KCTD1: variants seen among roughly 807,000 people sequenced by gnomAD.
The protein encoded by KCTD1 is potassium channel tetramerization domain containing 1, also known as BTB/POZ domain-containing protein KCTD1.
Under a neutral mutation model 66.0 loss-of-function variants are expected in KCTD1, and 24 were observed. That is an observed-to-expected ratio of 0.36 (90% CI 0.26 to 0.51). The LOEUF is 0.51. Ranked by LOEUF, KCTD1 falls within the 20% of genes least tolerant of loss-of-function variation. The probability of loss-of-function intolerance (pLI) is 0.95; values close to 1 mark genes in which losing one functional copy is unlikely to be tolerated. For synonymous variants in KCTD1, 511 were observed against 517.2 expected (o/e 0.99, Z 0.16); for missense variants, 943 against 1,205.2 (o/e 0.78, Z 3.22).
chr18:26,538,429 A>T (rs1209154275), intron 1 of KCTD1, among the ~76,000 whole-genome samples: 1 of 152,042 alleles, frequency 6.6e-6, no homozygotes, highest in Non-Finnish European at 1.5e-5. Flanking sequence ...AAGAGGGCCC[A>T]GGTAGGCCAG....
intron 3 of KCTD1, among the ~76,000 whole-genome samples, chr18:26,467,186 T>A (rs1980784390): frequency 6.6e-6 from 1 of 151,584 alleles, no homozygotes; most frequent in African/African-American, 2.4e-5. Context: ...ACAATGTACA[T>A]GTACTTCTTC....
intron 1 of KCTD1, chr18:26,575,494 G>C (rs1464940160): frequency 6.6e-6 from 1 of 152,198 alleles, no homozygotes; most frequent in Non-Finnish European, 1.5e-5. Flanking sequence ...TCTCTCCAGG[G>C]GTGGAGGGAG....
intron 1 of KCTD1, among the ~76,000 whole-genome samples, chr18:26,606,479 G>T: frequency 6.6e-6 from 1 of 152,314 alleles, no homozygotes; most frequent in African/African-American, 2.4e-5. Context: ...CTTTGAATCT[G>T]GCTGGCCTCG....
At chr18:26,630,013 G>C (rs1987583704), upstream of KCTD1, among the ~76,000 whole-genome samples, 1 of 152,178 alleles carries the variant, frequency 6.6e-6, no homozygotes, top group Non-Finnish European at 1.5e-5. Flanking sequence ...CTGAGGTATA[G>C]CCCACAGAAC....
At chr18:26,530,833 C>A (rs1264840599) in intron 1 of KCTD1, among the ~76,000 whole-genome samples, 1 of 152,142 alleles carries the variant, frequency 6.6e-6, no homozygotes, top group African/African-American at 2.4e-5. Context: ...CTTTTTATTT[C>A]TAACCTTCAC....
At chr18:26,580,805 A>G (rs1007077513) in intron 1 of KCTD1, among the ~76,000 whole-genome samples, 1 of 152,228 alleles carries the variant, frequency 6.6e-6, no homozygotes, top group Non-Finnish European at 1.5e-5. Context: ...AAACAGATAA[A>G]TCAGTAGTAT....
intron 3 of KCTD1, among the ~76,000 whole-genome samples, chr18:26,460,153 C>G (rs1307902556): frequency 1.3e-5 from 2 of 152,198 alleles, no homozygotes; most frequent in Non-Finnish European, 2.9e-5. Flanking sequence ...GGTCAGGCCT[C>G]TTCTAAGTGC....
In KCTD1 at chr18:26,473,855, T is replaced by C. The variant is rs548200258; in HGVS notation, c.2133+2660A>G. Among the ~76,000 whole-genome samples, 24 of 152,310 alleles carry C rather than the reference T, an allele frequency of 1.6e-4. 1 individual carries two copies. Among genetic ancestry groups the C allele is most frequent in the Admixed American group, 1.0e-3 (16 of 15,298 alleles). On this transcript the variant is annotated intron_variant, in intron 3 of 4. Coordinates refer to ENST00000580059, the MANE Select transcript of KCTD1 (RefSeq NM_001142730.3). ...GAAGCTCATTCACTGGCTGCAGTTA[T>C]TACACTCTCTCTATTTTCTTGCCAA...
chr18:26,593,856 G>A (rs955358717), intron 1 of KCTD1, among the ~76,000 whole-genome samples: 1 of 147,826 alleles, frequency 6.8e-6, no homozygotes, highest in Non-Finnish European at 1.5e-5. Flanking sequence ...CAAGGAGGAA[G>A]AGGAGAACAA....
At chr18:26,640,678 T>A (rs1987816448), upstream of KCTD1, among the ~76,000 whole-genome samples, 1 of 152,060 alleles carries the variant, frequency 6.6e-6, no homozygotes, top group Non-Finnish European at 1.5e-5. Flanking sequence ...GGGAGAAATG[T>A]TCAGGACAGG....
chr18:26,480,254 A>G (rs528062410), intron 2 of KCTD1, among the ~76,000 whole-genome samples: 1 of 152,286 alleles, frequency 6.6e-6, no homozygotes, highest in East Asian at 1.9e-4. Context: ...AACCAGCTTC[A>G]AAAGCTGTCA....
chr18:26,605,054 T>C lies in KCTD1; in HGVS notation c.-16+24093A>G, dbSNP rs577147308. 2.8e-4 allele frequency among the ~76,000 whole-genome samples: 43 copies of C among 152,228 alleles called. No homozygotes were observed. The South Asian group carries it at 5.0e-3, about 18-fold the overall frequency. On this transcript the variant is annotated intron_variant, in intron 1 of 4. Transcript: ENST00000317932. ...CCTGTCCCAAAAATGGATTACTGTGTTCCAGGCAATAGGGTAGAGAAGGAA... is the reference window on the plus strand; with the variant it reads ...CCTGTCCCAAAAATGGATTACTGTGCTCCAGGCAATAGGGTAGAGAAGGAA...
upstream of KCTD1, among the ~76,000 whole-genome samples, chr18:26,551,192 A>G (rs1320384552): frequency 6.6e-6 from 1 of 152,224 alleles, no homozygotes; most frequent in African/African-American, 2.4e-5. Flanking sequence ...AAGCAACCCA[A>G]AACAGCTCCC....
chr18:26,580,778 G>A (rs1986335142), intron 1 of KCTD1, among the ~76,000 whole-genome samples: 1 of 152,134 alleles, frequency 6.6e-6, no homozygotes, highest in African/African-American at 2.4e-5. Context: ...TTAATGGGTG[G>A]CCAAAAATGC....
rs1033909316 is a variant in KCTD1 at position 26,538,343 on chromosome 18, C to T, written c.1809+8385G>A. 6.6e-5 allele frequency among the ~76,000 whole-genome samples: 10 copies of T among 152,076 alleles called. 1 individual carries two copies. The highest frequency in any genetic ancestry group is 9.7e-5 in the African/African-American group (4 of 41,408). ...GAAGAAGGTGTGGAGTTAAATCCCA[C>T]GTGGGCCACAGAACATGCAAATCTT... On this transcript the variant is annotated intron_variant, in intron 1 of 4. Transcript: ENST00000580059.
At chr18:26,494,724 TTTC>T (rs1250401558) in intron 2 of KCTD1, among the ~76,000 whole-genome samples, 1 of 152,032 alleles carries the variant, frequency 6.6e-6, no homozygotes, top group Non-Finnish European at 1.5e-5. Context: ...AAGAGGAAAA[TTTC>T]TTCTATTACC....
At chr18:26,633,791 G>A (rs1033925759), upstream of KCTD1, among the ~76,000 whole-genome samples, 1 of 152,260 alleles carries the variant, frequency 6.6e-6, no homozygotes, top group South Asian at 2.1e-4. Context: ...GCAAATTAAA[G>A]TACTAATGAG....
chr18:26,523,259 C>T (rs754529062), intron 1 of KCTD1, among the ~76,000 whole-genome samples: 8 of 152,098 alleles, frequency 5.3e-5, no homozygotes, highest in Non-Finnish European at 1.0e-4. Context: ...GCCAAGCTTC[C>T]CTGACCCTGG....
chr18:26,657,082 C>G (rs995040079), intron 1 of KCTD1, among the ~76,000 whole-genome samples: 1 of 151,604 alleles, frequency 6.6e-6, no homozygotes, highest in Non-Finnish European at 1.5e-5. Flanking sequence ...CTGGCCGCAC[C>G]CGCTCCTCCT....
Sources: allele counts gnomAD v4.1 joint callset (sites outside exome capture counted in the v4.1 genomes callset), GRCh38; gene constraint gnomAD v4.1.1; transcripts MANE v1.5; gene names NCBI Gene and HGNC (gene_info 2026-07-23, HGNC 2026-07-21).